The following NLRP7 variants were observed in gnomAD, a reference collection of about 807,000 sequenced individuals.
NLRP7 encodes NACHT, LRR and PYD domains-containing protein 7.
NLRP7 carries 72 observed loss-of-function variants against 85.5 expected under a neutral mutation model. The ratio of observed to expected loss-of-function variants is 0.84; its 90% CI spans 0.70 to 1.02. NLRP7 has a LOEUF of 1.02. Among genes scored for constraint, NLRP7 ranks in the 50% least tolerant of loss-of-function variants. The probability of loss-of-function intolerance (pLI) is 0.00; values close to 1 mark genes in which losing one functional copy is unlikely to be tolerated. For missense variants in NLRP7, 1,243 were observed against 1,219.5 expected, an observed-to-expected ratio of 1.02 and a Z score of -0.29; for synonymous variants, 550 against 505.2, an observed-to-expected ratio of 1.09 and a Z score of -1.19.
At chr19:54,927,231 A>C (rs1441516586) in intron 9 of NLRP7, among the ~76,000 whole-genome samples, 1 of 151,830 alleles carries the variant, frequency 6.6e-6, no homozygotes, top group Admixed American at 6.6e-5. Context: ...CTACTAAAAA[A>C]TTAGCCAGGC....
intron 5 of NLRP7, 111 bp from the exon 6 acceptor site, chr19:54,936,542 C>A (rs1464024098): frequency 3.1e-6 from 3 of 975,588 alleles, no homozygotes; most frequent in Non-Finnish European, 4.8e-6. Flanking sequence ...AAGTTCTTGG[C>A]CGGGTGCAGT....
chr19:54,951,275 A>AGT (rs987426856), upstream of NLRP7, among the ~76,000 whole-genome samples: 1 of 152,160 alleles, frequency 6.6e-6, no homozygotes, highest in African/African-American at 2.4e-5. Context: ...GACCAGGCAC[A>AGT]GTGGCTCAGG....
At chr19:54,935,732 G>A (rs1183089477) in intron 6 of NLRP7, among the ~76,000 whole-genome samples, 1 of 150,962 alleles carries the variant, frequency 6.6e-6, no homozygotes, top group Non-Finnish European at 1.5e-5. Flanking sequence ...TGAGTGCAGA[G>A]AAGGTTGCAT....
At chr19:54,965,276 C>T (rs1359805552) in intron 1 of NLRP7, 1 of 101,434 alleles carries the variant, frequency 9.9e-6, no homozygotes, top group Non-Finnish European at 2.1e-5. Flanking sequence ...GATTACGCCC[C>T]GAGGGCCAAT....
rs79420921 is a variant in NLRP7 at position 54,938,344 on chromosome 19, C to G, written c.1932-103G>C. ...GGCAAAAACCACAATTACTTTTGCA[C>G]CAACCTAAAACAGTGTCTATAGTAA... On this transcript the variant is annotated intron_variant, in intron 4 of 9. Transcript: ENST00000340844. 8,702 of 900,808 alleles carry G rather than the reference C, an allele frequency of 9.7e-3. 387 individuals are homozygous for G. The African/African-American group carries it at 0.11, about 11-fold the overall frequency. 55.8% of individuals were successfully genotyped at this position (900,808 alleles called of 1,614,324 possible). A position where few individuals can be genotyped will look rare whatever the true frequency, so the allele number is the denominator to read the frequency against.
At chr19:54,964,347 G>C (rs956722728) in intron 1 of NLRP7, among the ~76,000 whole-genome samples, 37 of 148,890 alleles carry the variant, frequency 2.5e-4, no homozygotes, top group Non-Finnish European at 4.0e-4. Flanking sequence ...CTCCCGAGTA[G>C]CTGGGACTAC....
chr19:54,940,393 G>A, exon 4 of NLRP7: 1 of 1,614,064 alleles, frequency 6.2e-7, no homozygotes, highest in African/African-American at 1.3e-5. Flanking sequence ...AATTGTCAAT[G>A]TCTCCTTGCC....
chr19:54,947,978 A>G (rs939861782), upstream of NLRP7: 3 of 232,528 alleles, frequency 1.3e-5, no homozygotes, highest in Admixed American at 1.6e-4. Context: ...CCTCCTGCCT[A>G]TAAATCCCAG....
Position 54,937,468 on chromosome 19 carries a change from C to T in NLRP7, c.2129+576G>A, listed in dbSNP as rs542368340. Among the ~76,000 whole-genome samples, 106 of 150,078 alleles carry T rather than the reference C, an allele frequency of 7.1e-4. 1 individual carries two copies. In the South Asian group the frequency reaches 0.02, roughly 29 times the overall value. On this transcript the variant is annotated intron_variant, in intron 5 of 9. Coordinates refer to ENST00000340844, the Ensembl canonical transcript of NLRP7. The stretch of plus-strand genomic sequence containing the variant: ...GCACTTTCGAAGACCGAGGCAGGCG[C>T]ATCACCTTAGGTCAGGAGTTCGAGA...
chr19:54,962,083 A>C, intron 1 of NLRP7, among the ~76,000 whole-genome samples: 1 of 149,932 alleles, frequency 6.7e-6, no homozygotes, highest in South Asian at 2.2e-4. Flanking sequence ...GAATCACAGG[A>C]AACCGGCAGG....
At chr19:54,939,780 A>G (rs2069131149) in exon 4 of NLRP7, 11 of 1,613,738 alleles carry the variant, frequency 6.8e-6, no homozygotes, top group Non-Finnish European at 9.3e-6. Context: ...ATTAGCTCAA[A>G]GGCACGCATG....
intron 1 of NLRP7, among the ~76,000 whole-genome samples, chr19:54,957,087 T>C (rs1200646437): frequency 6.6e-6 from 1 of 152,038 alleles, no homozygotes; most frequent in African/African-American, 2.4e-5. Flanking sequence ...AGTGGCGTGA[T>C]CTTGGCCCAC....
At chr19:54,935,353 C>T (rs2068866547) in intron 6 of NLRP7, among the ~76,000 whole-genome samples, 1 of 152,012 alleles carries the variant, frequency 6.6e-6, no homozygotes, top group Non-Finnish European at 1.5e-5. Flanking sequence ...TCAGCATCCA[C>T]TGTAGCTGGG....
chr19:54,956,115 G>C (rs965761037), intron 1 of NLRP7, among the ~76,000 whole-genome samples: 1 of 151,168 alleles, frequency 6.6e-6, no homozygotes, highest in Admixed American at 6.6e-5. Flanking sequence ...ACTCCAGCCT[G>C]GGCAACAGAG....
intron 1 of NLRP7, among the ~76,000 whole-genome samples, chr19:54,963,205 G>A (rs138801383): frequency 3.6e-3 from 542 of 151,978 alleles, no homozygotes; most frequent in Non-Finnish European, 6.3e-3. Flanking sequence ...AGACCAGCCT[G>A]GGCAACATAG....
intron 9 of NLRP7, among the ~76,000 whole-genome samples, chr19:54,928,093 G>A (rs1169818332): frequency 1.3e-5 from 2 of 152,142 alleles, no homozygotes; most frequent in Non-Finnish European, 2.9e-5. Flanking sequence ...GGTGGTGTGT[G>A]CCTTTAATGC....
chr19:54,955,561 G>A (rs1185418971), intron 1 of NLRP7, among the ~76,000 whole-genome samples: 2 of 152,144 alleles, frequency 1.3e-5, no homozygotes, highest in Non-Finnish European at 2.9e-5. Context: ...ATGTTGGGAA[G>A]CTGAGGTGGG....
chr19:54,942,089 C>A (rs2069254261), intron 1 of NLRP7, among the ~76,000 whole-genome samples: 1 of 151,688 alleles, frequency 6.6e-6, no homozygotes, highest in Non-Finnish European at 1.5e-5. Context: ...CCTGCCTCTA[C>A]TAAAAAAATA....
chr19:54,940,170 G>A lies in NLRP7; in HGVS notation c.649C>T (p.Arg217Cys), dbSNP rs374600785. ...TCTGCAAAACTGCAGGGGCCCATGC[G>A]GCTGAGCTCCTTGCAGCTGAGGTAG... is the stretch of plus-strand genomic sequence containing the variant. The change falls in exon 4 of 10, where the codon CGC (arginine) becomes TGC (cysteine). Residue 217 changes from arginine (R) to cysteine (C), a missense_variant. Coordinates refer to ENST00000340844, the Ensembl canonical transcript of NLRP7. 1.1e-5 allele frequency: 17 copies of A among 1,614,090 alleles called. No homozygotes were observed. The highest frequency in any genetic ancestry group is 4.0e-5 in the African/African-American group (3 of 74,940).
Sources: gnomAD v4.1 joint callset for allele counts (sites outside exome capture counted in the v4.1 genomes callset) on GRCh38, gnomAD v4.1.1 for gene constraint, MANE v1.5 for transcripts, NCBI Gene and HGNC (gene_info 2026-07-23, HGNC 2026-07-21) for gene names.